The following C3orf49 variants were observed in gnomAD, a reference collection of about 807,000 sequenced individuals.
The protein encoded by C3orf49 is chromosome 3 open reading frame 49.
Under a neutral mutation model 13.3 loss-of-function variants are expected in C3orf49, and 27 were observed. That is an observed-to-expected ratio of 2.02 (90% CI 1.49 to 2.79). The LOEUF is 2.79. Among genes scored for constraint, C3orf49 ranks in the 30% most tolerant of loss-of-function variants. The pLI, the probability that C3orf49 is intolerant of heterozygous loss-of-function variation, is 0.00. For missense variants in C3orf49, 242 were observed against 134.2 expected (o/e 1.80, Z -3.97); for synonymous variants, 87 against 47.6 (o/e 1.83, Z -3.40).
At chr3:63,803,764 A>G in the C3orf49 span, among the ~76,000 whole-genome samples, 1 of 152,150 alleles carries the variant, frequency 6.6e-6, no homozygotes, top group Non-Finnish European at 1.5e-5. Flanking sequence ...ATGGAAGACA[A>G]TTTCCACAGA....
chr3:63,818,936 C>T (rs1027785706), upstream of C3orf49, among the ~76,000 whole-genome samples: 2 of 152,124 alleles, frequency 1.3e-5, no homozygotes, highest in Admixed American at 6.5e-5. Flanking sequence ...CATATGTGTC[C>T]CACAGGACAC....
intron 5 of C3orf49, among the ~76,000 whole-genome samples, chr3:63,843,670 G>A (rs868215570): frequency 3.0e-4 from 45 of 152,242 alleles, no homozygotes; most frequent in African/African-American, 1.1e-3. Flanking sequence ...GGAGGCCAAG[G>A]TGGGCGCATC....
chr3:63,820,766 T>C (rs1234683582), intron 1 of C3orf49, among the ~76,000 whole-genome samples: 24 of 152,174 alleles, frequency 1.6e-4, no homozygotes, highest in Admixed American at 1.6e-3. Flanking sequence ...TGGTGCTCCC[T>C]CCTCAGGACA....
chr3:63,811,871 A>C, the C3orf49 span, among the ~76,000 whole-genome samples: 1 of 151,708 alleles, frequency 6.6e-6, no homozygotes, highest in Non-Finnish European at 1.5e-5. Context: ...TAAAAAAAAA[A>C]TTGATCTCCA....
chr3:63,839,220 C>G (rs377428494), intron 5 of C3orf49, among the ~76,000 whole-genome samples: 2 of 152,138 alleles, frequency 1.3e-5, no homozygotes, highest in Non-Finnish European at 2.9e-5. Context: ...TACGTGTGTG[C>G]GTGTGTATCA....
Position 63,831,801 on chromosome 3 carries a change from A to G in C3orf49, c.806A>G (p.Gln269Arg). The change falls in exon 5 of 7, where the codon CAG becomes CGG. Residue 269 changes from glutamine (Q) to arginine (R), a missense_variant. Transcript: ENST00000295896. The stretch of plus-strand genomic sequence containing the variant: ...ATTCTTCAGTCTTCTAAACAGTTCC[A>G]GAGGATATCCAAGAGAACCATGAGG... ...DEILQSSKQF[Q>R]RISKRTMRKY... 1 of 702,276 alleles carries G rather than the reference A, an allele frequency of 1.4e-6. No individual in the cohort carries two copies. Among genetic ancestry groups the G allele is most frequent in the Non-Finnish European group, 2.6e-6 (1 of 384,884 alleles). The allele number at this position is 702,276 out of a possible 1,614,324, so 43.5% of individuals were successfully genotyped here. A position where few individuals can be genotyped will look rare whatever the true frequency, so the allele number is the denominator to read the frequency against.
intron 5 of C3orf49, among the ~76,000 whole-genome samples, chr3:63,842,274 C>T (rs553616122): frequency 2.4e-4 from 37 of 152,072 alleles, no homozygotes; most frequent in African/African-American, 8.7e-4. Context: ...ACTAGCTCAC[C>T]CCACTGAGAG....
the C3orf49 span, among the ~76,000 whole-genome samples, chr3:63,811,152 C>T: frequency 6.6e-6 from 1 of 152,142 alleles, no homozygotes; most frequent in South Asian, 2.1e-4. Context: ...TCGGTCCAAA[C>T]TGTTATTTAA....
chr3:63,845,114 G>A (rs1321428113), intron 6 of C3orf49, 32 bp downstream of exon 6: 12 of 681,014 alleles, frequency 1.8e-5, no homozygotes, highest in Non-Finnish European at 2.9e-5. Context: ...GGGGGTGGGG[G>A]GTACTATCTC....
At chr3:63,781,440 T>C in the C3orf49 span, among the ~76,000 whole-genome samples, 1 of 152,162 alleles carries the variant, frequency 6.6e-6, no homozygotes, top group African/African-American at 2.4e-5. Context: ...TCCAGCTTCA[T>C]TCTTTTGGCT....
At chr3:63,800,990 G>C in the C3orf49 span, among the ~76,000 whole-genome samples, 1 of 152,134 alleles carries the variant, frequency 6.6e-6, no homozygotes, top group African/African-American at 2.4e-5. Flanking sequence ...CTCATCAAGT[G>C]TCCACAAGCA....
intron 5 of C3orf49, chr3:63,838,382 G>T: frequency 6.6e-7 from 1 of 1,524,070 alleles, no homozygotes; most frequent in Non-Finnish European, 9.0e-7. Context: ...CTATTTCCTT[G>T]TAAATTTTTT....
At chr3:63,839,755 C>T (rs1161114052) in intron 5 of C3orf49, 15 of 1,613,230 alleles carry the variant, frequency 9.3e-6, no homozygotes, top group East Asian at 2.2e-5. Context: ...AATGAGGAGA[C>T]GCTTCCGTAT....
the C3orf49 span, among the ~76,000 whole-genome samples, chr3:63,794,844 G>A: frequency 1.3e-5 from 2 of 152,076 alleles, no homozygotes; most frequent in East Asian, 1.9e-4. Context: ...ACCTAAGGCT[G>A]TTTCACTACC....
Position 63,819,495 on chromosome 3 carries a change from ACC to A in C3orf49, c.25_26del (p.Pro9ArgfsTer4), listed in dbSNP as rs1211433852. ...CAATGGCCCAACCTCAGCTGTATCT[ACC>A]AGAACCCTTTAAGATTGCCTACAGA... MAQPQLYL[P>X]EPFKIAYRKV... is the part of the protein sequence containing the mutation. On this transcript the variant is annotated frameshift_variant, in exon 1 of 7. Coordinates refer to ENST00000295896, the MANE Select transcript of C3orf49 (RefSeq NM_001355236.2). LOFTEE classifies it high-confidence loss of function. 1 of 703,016 alleles carries A rather than the reference ACC, an allele frequency of 1.4e-6. No individual in the cohort carries two copies. Among genetic ancestry groups the A allele is most frequent in the Admixed American group, 2.0e-5 (1 of 50,016 alleles). The allele number at this position is 703,016 out of a possible 1,614,324, so 43.5% of individuals were successfully genotyped here.
At position 63,831,810 on chromosome 3, in the gene C3orf49, C is replaced by G; in HGVS notation, c.815C>G (p.Ser272Cys). Residue 272 changes from serine to cysteine, a missense_variant, in exon 5 of 7, where the codon TCC (serine) becomes TGC (cysteine). By Grantham distance (112) the Ser-to-Cys change is moderately radical (BLOSUM62 -1). Transcript: ENST00000295896. ...LQSSKQFQRI[S>C]KRTMRKYKLK... ...TCTTCTAAACAGTTCCAGAGGATAT[C>G]CAAGAGAACCATGAGGAAGTATAAA... is the stretch of plus-strand genomic sequence containing the variant. 1.4e-6 allele frequency: 1 copy of G among 700,298 alleles called. No homozygotes were observed. Among genetic ancestry groups the G allele is most frequent in the African/African-American group, 1.7e-5 (1 of 57,152 alleles). The allele number at this position is 700,298 out of a possible 1,614,324, so 43.4% of individuals were successfully genotyped here.
At chr3:63,786,178 C>T in the C3orf49 span, 6 of 152,118 alleles carry the variant, frequency 3.9e-5, no homozygotes, top group African/African-American at 1.4e-4. Flanking sequence ...TCTCTTTGTG[C>T]TCTGAGCCCA....
chr3:63,823,330 T>C lies in C3orf49; in HGVS notation c.206T>C (p.Met69Thr). The C allele has an allele frequency of 1.4e-6, 1 of 703,090 alleles. No homozygotes were observed. The allele number at this position is 703,090 out of a possible 1,614,324, so 43.6% of individuals were successfully genotyped here. Residue 69 changes from methionine to threonine, a missense_variant, in exon 2 of 7, where the codon ATG becomes ACG. By Grantham distance (81) the Met-to-Thr change is moderately conservative. Coordinates refer to ENST00000295896, the MANE Select transcript of C3orf49 (RefSeq NM_001355236.2). Reference protein sequence around the residue: ...PKEESSSDSDMGFHESQQNQK... With the variant: ...PKEESSSDSDTGFHESQQNQK... Reference sequence around the variant, plus strand: ...GAGGAATCATCCAGTGATAGTGACATGGGATTTCATGAAAGCCAGCAAAAT... The same window carrying C: ...GAGGAATCATCCAGTGATAGTGACACGGGATTTCATGAAAGCCAGCAAAAT...
intron 3 of C3orf49, among the ~76,000 whole-genome samples, chr3:63,829,005 C>T (rs971015819): frequency 1.3e-5 from 2 of 152,168 alleles, no homozygotes; most frequent in African/African-American, 2.4e-5. Context: ...GCACTAGCTA[C>T]GTTTCAAATG....
Sources: allele counts gnomAD v4.1 joint callset (sites outside exome capture counted in the v4.1 genomes callset), GRCh38; gene constraint gnomAD v4.1.1; transcripts MANE v1.5; gene names NCBI Gene and HGNC (gene_info 2026-07-23, HGNC 2026-07-21).